SSC5D: variants seen among roughly 807,000 people sequenced by gnomAD.
The protein encoded by SSC5D is soluble scavenger receptor cysteine-rich domain-containing protein SSC5D.
A neutral mutation model predicts 104.6 loss-of-function variants in SSC5D; 106 were observed. The observed-to-expected ratio is 1.01, with a 90% CI of 0.87 to 1.19. SSC5D has a LOEUF of 1.19. Among genes scored for constraint, SSC5D ranks in the 50% most tolerant of loss-of-function variants. The pLI, the probability that SSC5D is intolerant of heterozygous loss-of-function variation, is 0.00. For synonymous variants in SSC5D, 860 were observed against 883.5 expected (o/e 0.97, Z 0.47); for missense variants, 1,993 against 2,153.8 (o/e 0.93, Z 1.48).
chr19:55,509,520 G>A lies in SSC5D; in HGVS notation c.2786-3491G>A, dbSNP rs557361986. 3.9e-5 allele frequency among the ~76,000 whole-genome samples: 6 copies of A among 151,978 alleles called. No individual in the cohort carries two copies. The East Asian group carries it at 1.2e-3, about 29-fold the overall frequency. Reference sequence around the variant, plus strand: ...GTATATCCATGCAATCGAGTAGTACGTAGAGGTTCACAGAATGAGCCAGAG... The same window carrying A: ...GTATATCCATGCAATCGAGTAGTACATAGAGGTTCACAGAATGAGCCAGAG... On this transcript the variant is annotated intron_variant, in intron 12 of 13. Coordinates refer to ENST00000389623, the MANE Select transcript of SSC5D (RefSeq NM_001144950.2).
rs141074584 is a variant in SSC5D at position 55,491,313 on chromosome 19, G to T, written c.895+233G>T. ...GAGGCTTGGGCTAGTGCTCAGCCCT[G>T]TCCCGGGGCCTAGGCCAGTGACCGT... On this transcript the variant is annotated intron_variant, in intron 6 of 13. Transcript: ENST00000389623. The T allele has an allele frequency of 2.2e-3, 1,222 of 549,772 alleles. 11 individuals carry two copies. The highest frequency in any genetic ancestry group is 0.019 in the African/African-American group (941 of 50,662). 34.1% of individuals were successfully genotyped at this position (549,772 alleles called of 1,614,324 possible).
At chr19:55,493,994 G>GGGGGTC in intron 7 of SSC5D, 82 bp downstream of exon 7, 8 of 143,306 alleles carry the variant, frequency 5.6e-5, no homozygotes, top group South Asian at 2.4e-4. Flanking sequence ...GGGCGGGGGG[G>GGGGGTC]TCCCTACGCG....
chr19:55,516,595 A>T (rs1042288074), intron 13 of SSC5D, among the ~76,000 whole-genome samples: 3 of 150,902 alleles, frequency 2.0e-5, no homozygotes, highest in Non-Finnish European at 4.4e-5. Context: ...TTAAAATGTT[A>T]ACTTTGGTTA....
At chr19:55,515,339 C>T (rs1330087602) in intron 13 of SSC5D, among the ~76,000 whole-genome samples, 1 of 141,792 alleles carries the variant, frequency 7.1e-6, no homozygotes, top group Non-Finnish European at 1.5e-5. Flanking sequence ...GAGATTGCAG[C>T]GAGCCAAGAT....
intron 7 of SSC5D, 65 bp downstream of exon 7, chr19:55,493,977 T>TGGGG: frequency 4.2e-5 from 1 of 23,758 alleles, no homozygotes. Flanking sequence ...AGGGGCAAGT[T>TGGGG]CGGCGGGGGC....
rs564286393 is a variant in SSC5D at position 55,503,640 on chromosome 19, C to T, written c.2785+2439C>T. On this transcript the variant is annotated intron_variant, in intron 12 of 13. Coordinates refer to ENST00000389623, the MANE Select transcript of SSC5D (RefSeq NM_001144950.2). The surrounding 1 kb of genome is among the most constrained non-coding windows in gnomAD (Gnocchi z 4.0). ...GCAGCGTTTCTGTCCTCCCTCTGTG[C>T]CCGTCGCAGTCGCTGTTTCTCCGTC... 6.6e-6 allele frequency among the ~76,000 whole-genome samples: 1 copy of T among 152,258 alleles called. No homozygotes were observed. Among genetic ancestry groups the T allele is most frequent in the African/African-American group, 2.4e-5 (1 of 41,546 alleles).
At chr19:55,501,911 T>C (rs1162504804) in intron 12 of SSC5D, among the ~76,000 whole-genome samples, 2 of 152,186 alleles carry the variant, frequency 1.3e-5, no homozygotes, top group African/African-American at 4.8e-5. Context: ...CATTATCCAT[T>C]TCTCACCCTC....
Position 55,512,482 on chromosome 19 carries a change from T to G in SSC5D, c.2786-529T>G. On this transcript the variant is annotated intron_variant, in intron 12 of 13. Transcript: ENST00000389623. ...GCCTTGAGGAATTAAAATAATAAAT[T>G]CCTTTTTTTTTTTTTTTGAGGCGGT... Among the ~76,000 whole-genome samples the G allele has an allele frequency of 2.4e-5, 2 of 84,948 alleles. 1 individual carries two copies. The allele number at this position is 84,948 out of a possible 152,430, so 55.7% of individuals were successfully genotyped here. A position where few individuals can be genotyped will look rare whatever the true frequency, so the allele number is the denominator to read the frequency against.
At chr19:55,516,847 C>CT (rs1187186820) in intron 13 of SSC5D, among the ~76,000 whole-genome samples, 2 of 152,142 alleles carry the variant, frequency 1.3e-5, no homozygotes, top group African/African-American at 4.8e-5. Context: ...ATCTCCCAGT[C>CT]CCCCGCTGGC....
At chr19:55,490,672 C>T in intron 5 of SSC5D, 100 bp from the exon 6 acceptor site, 1 of 1,344,592 alleles carries the variant, frequency 7.4e-7, no homozygotes, top group South Asian at 1.5e-5. Flanking sequence ...GATCTCAGGC[C>T]ACCGCTCCCT....
rs1392404825 is a variant in SSC5D at position 55,488,872 on chromosome 19, ATG to A, written c.26-92_26-91del. On this transcript the variant is annotated intron_variant, in intron 1 of 13. Coordinates refer to ENST00000389623, the MANE Select transcript of SSC5D (RefSeq NM_001144950.2). ...AGACATCTGACCTTTAGCCAAGCCC[ATG>A]TGTGTGTGTGTGTGTGTGTGTGTGT... The A allele has an allele frequency of 1.3e-3, 169 of 130,660 alleles. 3 individuals are homozygous for A. The East Asian group carries it at 0.013, about 10-fold the overall frequency. The allele number at this position is 130,660 out of a possible 1,614,324, so 8.1% of individuals were successfully genotyped here.
rs1568472393 is a variant in SSC5D at position 55,488,464 on chromosome 19, G to GC, written c.-125dup. The GC allele has an allele frequency of 1.3e-6, 1 of 754,624 alleles. No homozygotes were observed. The highest frequency in any genetic ancestry group is 2.2e-6 in the Non-Finnish European group (1 of 460,778). 46.7% of individuals were successfully genotyped at this position (754,624 alleles called of 1,614,324 possible). On this transcript the variant is annotated 5_prime_UTR_variant, in exon 1 of 14. Coordinates refer to ENST00000389623, the MANE Select transcript of SSC5D (RefSeq NM_001144950.2). Reference sequence around the variant, plus strand: ...CCTGGCAAAGCGTCCAGCCCTGCCTGCTCCTCCTCGGGCCTGGGCGCCTCC... The same window carrying GC: ...CCTGGCAAAGCGTCCAGCCCTGCCTGCCTCCTCCTCGGGCCTGGGCGCCTCC...
chr19:55,518,380 C>A lies in SSC5D; in HGVS notation c.4104C>A (p.Phe1368Leu). The A allele has an allele frequency of 6.4e-7, 1 of 1,551,240 alleles. No individual in the cohort carries two copies. The highest frequency in any genetic ancestry group is 8.7e-7 in the Non-Finnish European group (1 of 1,146,890). The part of the protein sequence containing the change: ...VKPSLHPQLT[F>L]TAPAPHTSTS... ...CCAGTCTGCACCCCCAGTTGACCTT[C>A]ACAGCACCTGCCCCTCACACCTCCA... The change falls in exon 14 of 14, where the codon TTC becomes TTA. Residue 1368 changes from phenylalanine to leucine, a missense_variant. Phe to Leu is a conservative substitution (Grantham distance 22). Around this residue, in one of 6 missense-constraint regions of SSC5D, gnomAD observed 349 missense variants for 397.6 expected, o/e 0.88. Coordinates refer to ENST00000389623, the MANE Select transcript of SSC5D (RefSeq NM_001144950.2).
chr19:55,512,895 C>A, intron 12 of SSC5D, 116 bp from the exon 13 acceptor site: 1 of 1,256,956 alleles, frequency 8.0e-7, no homozygotes, highest in Non-Finnish European at 1.1e-6. Context: ...GCTGCAGTGG[C>A]GGTGCAGTTG....
At position 55,503,323 on chromosome 19, in the gene SSC5D, G is replaced by A. The variant is rs78291820; in HGVS notation, c.2785+2122G>A. 6.3e-3 allele frequency among the ~76,000 whole-genome samples: 964 copies of A among 152,170 alleles called. 14 individuals are homozygous for A. Among genetic ancestry groups the A allele is most frequent in the African/African-American group, 0.022 (912 of 41,508 alleles). On this transcript the variant is annotated intron_variant, in intron 12 of 13. Coordinates refer to ENST00000389623, the MANE Select transcript of SSC5D (RefSeq NM_001144950.2). This position sits in a 1 kb window ranked among gnomAD's most constrained non-coding sequence, Gnocchi z 4.0. The stretch of plus-strand genomic sequence containing the variant: ...GCTTCTCACTCGATTTTTCACGGTC[G>A]GTTTTGCTATATCACCTCATACTCT...
At chr19:55,494,038 C>T in intron 7 of SSC5D, 126 bp downstream of exon 7, 3 of 917,172 alleles carry the variant, frequency 3.3e-6, no homozygotes, top group South Asian at 1.7e-5. Flanking sequence ...TTTCCACTCC[C>T]CCATCTTATT....
rs527732430 is a variant in SSC5D, at chr19:55,513,153, G to A, written c.2928G>A (p.Leu976=). ...TTRSPGSPPT[L]RVHGDTGSPR... ...GGAGCCCAGGCAGTCCTCCAACTCTGAGAGTCCATGGAGACACAGGTGAGA... is the reference window on the plus strand; with the variant it reads ...GGAGCCCAGGCAGTCCTCCAACTCTAAGAGTCCATGGAGACACAGGTGAGA... Residue 976 remains leucine, a synonymous_variant, in exon 13 of 14, where the codon CTG becomes CTA. Coordinates refer to ENST00000389623, the MANE Select transcript of SSC5D (RefSeq NM_001144950.2). 1.2e-5 allele frequency: 18 copies of A among 1,513,372 alleles called. No homozygotes were observed. The highest frequency in any genetic ancestry group is 1.4e-5 in the Non-Finnish European group (16 of 1,127,176). The allele number at this position is 1,513,372 out of a possible 1,614,324, so 93.7% of individuals were successfully genotyped here.
At chr19:55,491,808 C>G (rs946560165) in intron 6 of SSC5D, 1 of 152,504 alleles carries the variant, frequency 6.6e-6, no homozygotes, top group African/African-American at 2.4e-5. Context: ...CTTTCTCTTT[C>G]CTTTCTTTCC....
Position 55,513,049 on chromosome 19 carries a change from A to G in SSC5D, c.2824A>G (p.Thr942Ala), listed in dbSNP as rs1406042696. Residue 942 changes from threonine to alanine, a missense_variant, in exon 13 of 14, where the codon ACA becomes GCA. This residue lies in a region of SSC5D where 423 missense variants were observed against 409.2 expected (regional missense o/e 1.03). Coordinates refer to ENST00000389623, the MANE Select transcript of SSC5D (RefSeq NM_001144950.2). ...DGYKLPWTWD[T>A]PSGRGLAEGT... ...TTACAAGCTTCCCTGGACGTGGGAC[A>G]CACCATCAGGAAGGGGCCTGGCTGA... The G allele has an allele frequency of 6.4e-7, 1 of 1,551,972 alleles. No individual in the cohort carries two copies.
Sources: gnomAD v4.1 joint callset for allele counts (sites outside exome capture counted in the v4.1 genomes callset) on GRCh38, gnomAD v4.1.1 for gene constraint, gnomAD v4.1.1 regional missense constraint, Gnocchi (gnomAD v3.1) non-coding constraint, MANE v1.5 for transcripts, NCBI Gene and HGNC (gene_info 2026-07-23, HGNC 2026-07-21) for gene names.